Variants in PPP2R3B observed in about 807,000 individuals in gnomAD.
PPP2R3B encodes serine/threonine-protein phosphatase 2A regulatory subunit B'' subunit beta.
Under a neutral mutation model 72.9 loss-of-function variants are expected in PPP2R3B, and 68 were observed. The observed-to-expected ratio is 0.93, with a 90% CI of 0.77 to 1.14. The LOEUF (loss-of-function observed/expected upper bound fraction) is 1.14. Ranked by LOEUF, PPP2R3B falls within the 50% of genes most tolerant of loss-of-function variation. PPP2R3B has a pLI of 0.00. For synonymous variants in PPP2R3B, 466 were observed against 375.8 expected (o/e 1.24, Z -2.78); for missense variants, 1,018 against 842.0 (o/e 1.21, Z -2.59).
rs1374981230 is a variant in PPP2R3B, at chrX:364,776, G to A, written c.325-3186C>T. Among the ~76,000 whole-genome samples the A allele has an allele frequency of 1.1e-3, 85 of 77,466 alleles. 9 individuals carry two copies. Among genetic ancestry groups the A allele is most frequent in the Non-Finnish European group, 1.5e-3 (67 of 44,614 alleles). 50.8% of individuals were successfully genotyped at this position (77,466 alleles called of 152,430 possible). On this transcript the variant is annotated intron_variant, in intron 1 of 12. Coordinates refer to ENST00000390665, the MANE Select transcript of PPP2R3B (RefSeq NM_013239.5). ...CGCATGCCTGTACTCCCAGCTACTC[G>A]GGAGGCTGAGGCAGGAGAATCGCTT...
At chrX:345,078 G>A (rs2124620415) in intron 7 of PPP2R3B, 1 of 444,376 alleles carries the variant, frequency 2.3e-6, no homozygotes, top group Non-Finnish European at 4.4e-6. Context: ...CTCCCGCGGA[G>A]GTATATGAAC....
At position 345,657 on chromosome X, in the gene PPP2R3B, C is replaced by G; in HGVS notation, c.895G>C (p.Glu299Gln). The change falls in exon 7 of 13, where the codon GAG (glutamate) becomes CAG (glutamine). Residue 299 changes from glutamate (E) to glutamine (Q), a missense_variant. By Grantham distance (29) the Glu-to-Gln change is conservative (BLOSUM62 2). Transcript: ENST00000390665. Reference sequence around the variant, plus strand: ...AGCTGGTTGATGTCCGCCTCCTCCTCCAGCAGCGCCACATTCTGCCAAAGG... The same window carrying G: ...AGCTGGTTGATGTCCGCCTCCTCCTGCAGCAGCGCCACATTCTGCCAAAGG... The part of the protein sequence containing the change: ...SSFLQNVALL[E>Q]EEADINQLTE... 1.9e-6 allele frequency: 3 copies of G among 1,612,774 alleles called. No homozygotes were observed. Among genetic ancestry groups the G allele is most frequent in the East Asian group, 2.2e-5 (1 of 44,792 alleles).
intron 6 of PPP2R3B, 97 bp downstream of exon 6, chrX:346,077 G>A: frequency 1.8e-6 from 1 of 552,038 alleles, no homozygotes; most frequent in Admixed American, 2.7e-5. Context: ...GAGGGGGTGG[G>A]AGGGGAGGAG....
At chrX:378,829 G>A (rs1056988817) in intron 1 of PPP2R3B, among the ~76,000 whole-genome samples, 10 of 152,174 alleles carry the variant, frequency 6.6e-5, no homozygotes, top group African/African-American at 1.2e-4. Context: ...TCGTTGTTAC[G>A]AAGGCAGTGA....
At chrX:338,567 T>G in intron 12 of PPP2R3B, 37 bp downstream of exon 12, 3 of 1,393,882 alleles carry the variant, frequency 2.2e-6, no homozygotes, top group Non-Finnish European at 2.9e-6. Flanking sequence ...GTCCTCCCAC[T>G]GACCCGTCCC....
chrX:345,701 C>T (rs1205713608), intron 6 of PPP2R3B, 29 bp from the exon 7 acceptor site: 5 of 1,365,552 alleles, frequency 3.7e-6, no homozygotes, highest in East Asian at 4.6e-5. Flanking sequence ...GGCCTGAGCG[C>T]GGGGCCTCTG....
intron 1 of PPP2R3B, among the ~76,000 whole-genome samples, chrX:383,007 T>G (rs2072158440): frequency 6.6e-6 from 1 of 152,084 alleles, no homozygotes; most frequent in Admixed American, 6.6e-5. Flanking sequence ...CCTAAGGTGC[T>G]TCAGGTTTTG....
intron 1 of PPP2R3B, among the ~76,000 whole-genome samples, chrX:369,464 T>C (rs1262345177): frequency 3.3e-5 from 5 of 152,206 alleles, no homozygotes; most frequent in African/African-American, 1.2e-4. Context: ...CAGATACATG[T>C]GTCGCCCTTC....
rs1050288219 is a variant in PPP2R3B, at chrX:341,495, C to G, written c.1086-99G>C. The G allele has an allele frequency of 9.2e-6, 12 of 1,300,070 alleles. No homozygotes were observed. In the East Asian group the frequency reaches 1.4e-4, roughly 15 times the overall value. 80.5% of individuals were successfully genotyped at this position (1,300,070 alleles called of 1,614,324 possible). On this transcript the variant is annotated intron_variant, in intron 8 of 12. Transcript: ENST00000390665. ...ACGCGCCTCGGTGAGGGGAGCCCCCCGGGCCCGGCCCTCCTCCTGCCCCCC... is the reference window on the plus strand; with the variant it reads ...ACGCGCCTCGGTGAGGGGAGCCCCCGGGGCCCGGCCCTCCTCCTGCCCCCC...
intron 1 of PPP2R3B, among the ~76,000 whole-genome samples, chrX:383,559 C>T (rs1207768240): frequency 6.6e-6 from 1 of 151,998 alleles, no homozygotes. Flanking sequence ...CGGCTGTCGG[C>T]GGGCACGGTG....
intron 12 of PPP2R3B, 158 bp from the exon 13 acceptor site, chrX:334,675 G>C (rs1479417166): frequency 2.2e-5 from 19 of 866,258 alleles, no homozygotes; most frequent in Non-Finnish European, 2.9e-5. Flanking sequence ...CGCGCTCCTG[G>C]CTGAGGACGC....
Position 338,482 on chromosome X carries a change from C to T in PPP2R3B, c.1577+122G>A, listed in dbSNP as rs192795648. ...ACCCCGCCCCTCTGTGTCCGCGCAC[C>T]CCACCTGACTGACCCCGCATCCCCC... On this transcript the variant is annotated intron_variant, in intron 12 of 12. Coordinates refer to ENST00000390665, the MANE Select transcript of PPP2R3B (RefSeq NM_013239.5). 9.5e-3 allele frequency: 9,589 copies of T among 1,009,566 alleles called. 320 individuals carry two copies. Among genetic ancestry groups the T allele is most frequent in the Non-Finnish European group, 0.012 (8,094 of 671,710 alleles). 62.5% of individuals were successfully genotyped at this position (1,009,566 alleles called of 1,614,324 possible).
At chrX:362,019 A>AG (rs1412900694) in intron 1 of PPP2R3B, among the ~76,000 whole-genome samples, 1 of 152,162 alleles carries the variant, frequency 6.6e-6, no homozygotes, top group Admixed American at 6.5e-5. Context: ...AGACGTGGAG[A>AG]GGCACAGGTG....
intron 1 of PPP2R3B, among the ~76,000 whole-genome samples, chrX:368,519 C>T (rs1473488955): frequency 3.7e-5 from 4 of 107,960 alleles, no homozygotes; most frequent in Non-Finnish European, 3.7e-5. Context: ...CCTTGGGCAC[C>T]GACGGGGGGA....
chrX:369,072 A>G (rs2071798398), intron 1 of PPP2R3B, among the ~76,000 whole-genome samples: 2 of 152,208 alleles, frequency 1.3e-5, no homozygotes, highest in African/African-American at 4.8e-5. Flanking sequence ...TCACTTGGGA[A>G]CTGGCCACCT....
At chrX:364,678 A>G (rs1230466215) in intron 1 of PPP2R3B, among the ~76,000 whole-genome samples, 3 of 99,886 alleles carry the variant, frequency 3.0e-5, no homozygotes, top group Admixed American at 2.0e-4. Flanking sequence ...AGATCGCACC[A>G]CTGCACTCCA....
chrX:381,337 G>A (rs893174042), intron 1 of PPP2R3B, among the ~76,000 whole-genome samples: 9 of 152,158 alleles, frequency 5.9e-5, no homozygotes, highest in South Asian at 2.1e-4. Context: ...CGATGAAGGC[G>A]TAGGTAACGT....
chrX:346,329 G>T, intron 5 of PPP2R3B, 69 bp from the exon 6 acceptor site: 1 of 1,463,658 alleles, frequency 6.8e-7, no homozygotes, highest in Non-Finnish European at 9.3e-7. Context: ...ACGGAGACCG[G>T]GAGCCGGGAG....
chrX:363,487 A>ACGATCCCACAGT (rs2071596972), intron 1 of PPP2R3B, among the ~76,000 whole-genome samples: 4 of 54,872 alleles, frequency 7.3e-5, no homozygotes, highest in Admixed American at 2.2e-4. Flanking sequence ...CCCCGAGCCC[A>ACGATCCCACAGT]GCATCCCACA....
Sources: gnomAD v4.1 joint callset for allele counts (sites outside exome capture counted in the v4.1 genomes callset) on GRCh38, gnomAD v4.1.1 for gene constraint, MANE v1.5 for transcripts, NCBI Gene and HGNC (gene_info 2026-07-23, HGNC 2026-07-21) for gene names.